The following BRWD1 variants were observed in gnomAD, a reference collection of about 807,000 sequenced individuals.
BRWD1 encodes bromodomain and WD repeat domain containing 1.
In BRWD1, 82 loss-of-function variants were observed where a neutral mutation model predicts 251.2. The observed-to-expected ratio is 0.33, with a 90% CI of 0.27 to 0.39. The LOEUF (loss-of-function observed/expected upper bound fraction) is 0.39, where lower values mean the gene tolerates loss of function less well. BRWD1 is among the 10% of genes least tolerant of loss of function. The pLI is 1.00. For missense variants in BRWD1, 2,233 were observed against 2,711.6 expected (o/e 0.82, Z 3.92); for synonymous variants, 918 against 902.8 (o/e 1.02, Z -0.30).
chr21:39,247,674 T>C, intron 21 of BRWD1, 27 bp downstream of exon 21: 1 of 1,582,982 alleles, frequency 6.3e-7, no homozygotes, highest in Non-Finnish European at 8.6e-7. Flanking sequence ...AAGATTATCT[T>C]ATAACATTTT....
chr21:39,217,892 A>C (rs1006794701), intron 31 of BRWD1, among the ~76,000 whole-genome samples: 2 of 152,062 alleles, frequency 1.3e-5, no homozygotes, highest in African/African-American at 4.8e-5. Flanking sequence ...TACTGAAATA[A>C]GTGGAATAAA....
Position 39,188,269 on chromosome 21 carries a change from C to G in BRWD1, c.*7990G>C. 1 of 985,334 alleles carries G rather than the reference C, an allele frequency of 1.0e-6. No individual in the cohort carries two copies. Among genetic ancestry groups the G allele is most frequent in the African/African-American group, 1.7e-5 (1 of 57,332 alleles). 61.0% of individuals were successfully genotyped at this position (985,334 alleles called of 1,614,324 possible). On this transcript the variant is annotated 3_prime_UTR_variant, in exon 41 of 41. Coordinates refer to ENST00000342449, the MANE Select transcript of BRWD1 (RefSeq NM_033656.4). ...TGAACAGTCAAACTATCTAAAACTG[C>G]CTTCATGGTACACACCAATCTTGAT...
intron 4 of BRWD1, among the ~76,000 whole-genome samples, chr21:39,304,841 T>C (rs1405423113): frequency 6.6e-6 from 1 of 152,014 alleles, no homozygotes; most frequent in Non-Finnish European, 1.5e-5. Flanking sequence ...GAATAAAGCA[T>C]TTTCTAATAT....
chr21:39,212,102 T>C (rs1277716058), intron 34 of BRWD1, among the ~76,000 whole-genome samples: 7 of 152,136 alleles, frequency 4.6e-5, no homozygotes, highest in South Asian at 2.1e-4. Flanking sequence ...TAAAAAGGTG[T>C]CATAATTTTC....
intron 21 of BRWD1, among the ~76,000 whole-genome samples, chr21:39,245,471 G>A (rs1322851933): frequency 6.6e-6 from 1 of 151,900 alleles, no homozygotes; most frequent in Non-Finnish European, 1.5e-5. Flanking sequence ...CAAACCCCAT[G>A]CTTAATTATT....
Position 39,192,873 on chromosome 21 carries a change from T to C in BRWD1, c.*3386A>G. The C allele has an allele frequency of 1.1e-6, 1 of 916,484 alleles. No homozygotes were observed. Among genetic ancestry groups the C allele is most frequent in the Non-Finnish European group, 1.3e-6 (1 of 774,792 alleles). The allele number at this position is 916,484 out of a possible 1,614,324, so 56.8% of individuals were successfully genotyped here. The stretch of plus-strand genomic sequence containing the variant: ...TTGTACTAACAGAAAATATTAAAAT[T>C]CTTCCTATTTTTAATATCAAACAGG... On this transcript the variant is annotated 3_prime_UTR_variant, in exon 41 of 41. Coordinates refer to ENST00000342449, the MANE Select transcript of BRWD1 (RefSeq NM_033656.4).
At chr21:39,297,457 C>T (rs1568966987) in intron 5 of BRWD1, 6 of 950,682 alleles carry the variant, frequency 6.3e-6, no homozygotes, top group Non-Finnish European at 7.5e-6. Context: ...CACAAAACAA[C>T]GACATGGAGC....
chr21:39,196,748 A>G lies in BRWD1; in HGVS notation c.6321T>C (p.Ala2107=). 6 of 1,613,558 alleles carry G rather than the reference A, an allele frequency of 3.7e-6. No individual in the cohort carries two copies. The highest frequency in any genetic ancestry group is 3.4e-6 in the Non-Finnish European group (4 of 1,179,888). ...GAATCACTTTTGTCTTACTAAAAGGAGCCTTTCCATAGGTCCTGAGTCTTC... is the reference window on the plus strand; with the variant it reads ...GAATCACTTTTGTCTTACTAAAAGGGGCCTTTCCATAGGTCCTGAGTCTTC... The part of the protein sequence containing the change: ...NGRRLRTYGK[A]PFSKTKVIHD... The change falls in exon 41 of 41, where the codon GCT becomes GCC. Residue 2107 remains alanine, a synonymous_variant. Coordinates refer to ENST00000342449, the MANE Select transcript of BRWD1 (RefSeq NM_033656.4).
At position 39,253,198 on chromosome 21, in the gene BRWD1, A is replaced by C. The variant is rs1276840428; in HGVS notation, c.2256-2309T>G. Among the ~76,000 whole-genome samples the C allele has an allele frequency of 2.3e-4, 35 of 149,778 alleles. No individual in the cohort carries two copies. In the Admixed American group the frequency reaches 2.4e-3, roughly 10 times the overall value. ...CAGCTACTCTGGAGGCTGAGGCAAGAGAATCGCTTGAGCCCAGGAGGAGAG... is the reference window on the plus strand; with the variant it reads ...CAGCTACTCTGGAGGCTGAGGCAAGCGAATCGCTTGAGCCCAGGAGGAGAG... On this transcript the variant is annotated intron_variant, in intron 19 of 40. Transcript: ENST00000342449.
intron 4 of BRWD1, among the ~76,000 whole-genome samples, chr21:39,299,475 A>G (rs2036049002): frequency 6.6e-6 from 1 of 152,204 alleles, no homozygotes; most frequent in Non-Finnish European, 1.5e-5. Context: ...ATGGATTACT[A>G]TAGACAAATA....
chr21:39,309,739 G>A lies in BRWD1; in HGVS notation c.198+3102C>T, dbSNP rs981946696. On this transcript the variant is annotated intron_variant, in intron 4 of 40. Coordinates refer to ENST00000342449, the MANE Select transcript of BRWD1 (RefSeq NM_033656.4). ...ACTCGGGAGGCTGAGGCTGGAGAAT[G>A]GCGTGAATCCGGGAGGCGGAGCTTG... Among the ~76,000 whole-genome samples, 5 of 151,452 alleles carry A rather than the reference G, an allele frequency of 3.3e-5. 1 individual carries two copies. The South Asian group carries it at 8.3e-4, about 25-fold the overall frequency.
chr21:39,220,424 G>A (rs191920050), intron 29 of BRWD1, among the ~76,000 whole-genome samples: 202 of 152,338 alleles, frequency 1.3e-3, no homozygotes, highest in African/African-American at 4.7e-3. Context: ...GTTCTAGGCT[G>A]AGCACTGCTC....
At chr21:39,211,669 A>G (rs974463384) in intron 34 of BRWD1, among the ~76,000 whole-genome samples, 1 of 152,198 alleles carries the variant, frequency 6.6e-6, no homozygotes, top group Non-Finnish European at 1.5e-5. Context: ...TTAAGCAACT[A>G]AATTTGTCAT....
Position 39,187,390 on chromosome 21 carries a change from T to C in BRWD1, c.*8869A>G, listed in dbSNP as rs762112828. ...ATGCATACATGTTCTCACTTTTGTA[T>C]TGGGTTCTCTGTCTCTAGGAACAAA... On this transcript the variant is annotated 3_prime_UTR_variant, in exon 41 of 41. Coordinates refer to ENST00000342449, the MANE Select transcript of BRWD1 (RefSeq NM_033656.4). The C allele has an allele frequency of 3.8e-6, 6 of 1,586,484 alleles. 1 individual carries two copies. The highest frequency in any genetic ancestry group is 3.5e-5 in the South Asian group (3 of 85,954).
At chr21:39,205,140 G>A (rs2032325919) in intron 37 of BRWD1, among the ~76,000 whole-genome samples, 1 of 152,078 alleles carries the variant, frequency 6.6e-6, no homozygotes, top group African/African-American at 2.4e-5. Context: ...AGAATGTACA[G>A]TACTCTAAAG....
At chr21:39,304,329 A>G (rs548293966) in intron 4 of BRWD1, among the ~76,000 whole-genome samples, 1 of 149,686 alleles carries the variant, frequency 6.7e-6, no homozygotes, top group Non-Finnish European at 1.5e-5. Context: ...AATACAAATG[A>G]GCAAGGCACA....
intron 15 of BRWD1, among the ~76,000 whole-genome samples, chr21:39,267,579 A>G (rs1231072262): frequency 6.6e-6 from 1 of 152,162 alleles, no homozygotes. Context: ...AGCCTGGGCG[A>G]CAGAGAGAGA....
Position 39,195,992 on chromosome 21 carries a change from T to G in BRWD1, c.*267A>C, listed in dbSNP as rs1175983931. The G allele has an allele frequency of 8.8e-7, 1 of 1,130,984 alleles. No homozygotes were observed. The highest frequency in any genetic ancestry group is 1.1e-6 in the Non-Finnish European group (1 of 924,262). The allele number at this position is 1,130,984 out of a possible 1,614,324, so 70.1% of individuals were successfully genotyped here. On this transcript the variant is annotated 3_prime_UTR_variant, in exon 41 of 41. Transcript: ENST00000342449. ...CAGGATGTCTAGTGTTTAACATATTTCAAACTCTTGCTATATGTAGTCAAA... is the reference window on the plus strand; with the variant it reads ...CAGGATGTCTAGTGTTTAACATATTGCAAACTCTTGCTATATGTAGTCAAA...
At chr21:39,287,306 T>C (rs1158950957) in intron 8 of BRWD1, among the ~76,000 whole-genome samples, 2 of 152,210 alleles carry the variant, frequency 1.3e-5, no homozygotes, top group Admixed American at 1.3e-4. Flanking sequence ...TCTCCACCTT[T>C]CTATCTTTCT....
Sources: gnomAD v4.1 joint callset for allele counts (sites outside exome capture counted in the v4.1 genomes callset) on GRCh38, gnomAD v4.1.1 for gene constraint, MANE v1.5 for transcripts, NCBI Gene and HGNC (gene_info 2026-07-23, HGNC 2026-07-21) for gene names.